The following PGGT1B variants were observed in gnomAD, a reference collection of about 807,000 sequenced individuals.
PGGT1B encodes the protein geranylgeranyl transferase type-1 subunit beta.
PGGT1B carries 30 observed loss-of-function variants against 46.1 expected under a neutral mutation model. The ratio of observed to expected loss-of-function variants is 0.65; its 90% CI spans 0.49 to 0.88. The LOEUF is 0.88. PGGT1B is among the 40% of genes least tolerant of loss of function. PGGT1B has a pLI of 0.00. For synonymous variants in PGGT1B, 170 were observed against 160.0 expected (o/e 1.06, Z -0.47); for missense variants, 376 against 455.9 (o/e 0.82, Z 1.60).
chr5:115,249,078 C>T (rs1213211381), intron 2 of PGGT1B, among the ~76,000 whole-genome samples: 2 of 152,022 alleles, frequency 1.3e-5, no homozygotes, highest in African/African-American at 4.8e-5. Flanking sequence ...AACATTCAAA[C>T]AATTCAGATA....
Position 115,206,171 on chromosome 5 carries a change from AT to A in PGGT1B, c.*6230del, listed in dbSNP as rs1756056916. On this transcript the variant is annotated 3_prime_UTR_variant, in exon 9 of 9. Transcript: ENST00000419445. ...AGTATATATTGTATTGGGATGAGTA[AT>A]ACTTAAATGTTCAGATATTTAAAGA... 6.6e-6 allele frequency: 1 copy of A among 151,908 alleles called. No individual in the cohort carries two copies. Among genetic ancestry groups the A allele is most frequent in the Non-Finnish European group, 1.5e-5 (1 of 67,856 alleles). 9.4% of individuals were successfully genotyped at this position (151,908 alleles called of 1,614,324 possible). A position where few individuals can be genotyped will look rare whatever the true frequency, so the allele number is the denominator to read the frequency against.
Position 115,204,632 on chromosome 5 carries a change from T to C in PGGT1B, c.*7770A>G, listed in dbSNP as rs1018443719. On this transcript the variant is annotated 3_prime_UTR_variant, in exon 9 of 9. Coordinates refer to ENST00000419445, the MANE Select transcript of PGGT1B (RefSeq NM_005023.4). ...GGATATGAGGAAACAGGCACTCTCATACCTTGTTGTTGAGTTTATGAATGG... is the reference window on the plus strand; with the variant it reads ...GGATATGAGGAAACAGGCACTCTCACACCTTGTTGTTGAGTTTATGAATGG... 2.6e-5 allele frequency: 4 copies of C among 152,174 alleles called. No homozygotes were observed. The highest frequency in any genetic ancestry group is 9.7e-5 in the African/African-American group (4 of 41,440). The allele number at this position is 152,174 out of a possible 1,614,324, so 9.4% of individuals were successfully genotyped here.
In PGGT1B at chr5:115,204,479, CAT is replaced by C. The variant is rs1055414877; in HGVS notation, c.*7921_*7922del. On this transcript the variant is annotated 3_prime_UTR_variant, in exon 9 of 9. Transcript: ENST00000419445. The stretch of plus-strand genomic sequence containing the variant: ...ACAGTTGGCATTAATTCATACAGCA[CAT>C]ATAAAGAATTAACCTCCCCCCAAAC... 2.0e-5 allele frequency: 3 copies of C among 152,118 alleles called. No homozygotes were observed. The highest frequency in any genetic ancestry group is 7.2e-5 in the African/African-American group (3 of 41,416). 9.4% of individuals were successfully genotyped at this position (152,118 alleles called of 1,614,324 possible).
chr5:115,237,820 T>C (rs1193733184), intron 4 of PGGT1B, 38 bp downstream of exon 4: 1 of 1,572,650 alleles, frequency 6.4e-7, no homozygotes. Context: ...AATATATTTT[T>C]GTTTATTACA....
chr5:115,216,868 G>T lies in PGGT1B; in HGVS notation c.949C>A (p.Pro317Thr). 2.1e-6 allele frequency: 3 copies of T among 1,458,866 alleles called. No individual in the cohort carries two copies. Among genetic ancestry groups the T allele is most frequent in the Non-Finnish European group, 2.9e-6 (3 of 1,041,574 alleles). 90.4% of individuals were successfully genotyped at this position (1,458,866 alleles called of 1,614,324 possible). A position where few individuals can be genotyped will look rare whatever the true frequency, so the allele number is the denominator to read the frequency against. Residue 317 changes from proline to threonine, a missense_variant, in exon 8 of 9, where the codon CCA (proline) becomes ACA (threonine). Transcript: ENST00000419445. ...GGFAKWPDSHPDALHAYFGIC... is the reference protein window; with the variant it reads ...GGFAKWPDSHTDALHAYFGIC... ...GATTCACAAAGAAAATAATTACCTG[G>T]ATGACTGTCTGGCCACTTGGCAAAT...
At chr5:115,242,783 A>G (rs2127017589) in intron 2 of PGGT1B, among the ~76,000 whole-genome samples, 1 of 152,310 alleles carries the variant, frequency 6.6e-6, no homozygotes, top group South Asian at 2.1e-4. Flanking sequence ...CCTGGTCAAC[A>G]TGGTAAAACC....
chr5:115,205,700 C>T lies in PGGT1B; in HGVS notation c.*6702G>A, dbSNP rs1289187852. On this transcript the variant is annotated 3_prime_UTR_variant, in exon 9 of 9. Coordinates refer to ENST00000419445, the MANE Select transcript of PGGT1B (RefSeq NM_005023.4). The stretch of plus-strand genomic sequence containing the variant: ...TATTACAAGTAGACAGTTTTACTAT[C>T]AGAAACCCATTTTCTGATCATATTT... 2 of 152,002 alleles carry T rather than the reference C, an allele frequency of 1.3e-5. No homozygotes were observed. Among genetic ancestry groups the T allele is most frequent in the African/African-American group, 4.8e-5 (2 of 41,408 alleles). The allele number at this position is 152,002 out of a possible 1,614,324, so 9.4% of individuals were successfully genotyped here. A position where few individuals can be genotyped will look rare whatever the true frequency, so the allele number is the denominator to read the frequency against.
intron 7 of PGGT1B, 81 bp from the exon 8 acceptor site, chr5:115,217,054 T>C: frequency 2.9e-6 from 2 of 695,876 alleles, no homozygotes; most frequent in East Asian, 2.7e-5. Flanking sequence ...ACGTGTCATT[T>C]AGATATGCTT....
intron 1 of PGGT1B, among the ~76,000 whole-genome samples, chr5:115,258,838 C>G (rs1748432581): frequency 6.6e-6 from 1 of 152,198 alleles, no homozygotes; most frequent in African/African-American, 2.4e-5. Flanking sequence ...AGAAATGCAG[C>G]ATCTCCGGCT....
intron 2 of PGGT1B, among the ~76,000 whole-genome samples, chr5:115,244,617 A>G (rs911655222): frequency 6.6e-6 from 1 of 151,634 alleles, no homozygotes; most frequent in Non-Finnish European, 1.5e-5. Flanking sequence ...TTTGAGACAG[A>G]GTCTTGCTCT....
chr5:115,228,925 G>A (rs956188521), intron 6 of PGGT1B, among the ~76,000 whole-genome samples: 11 of 152,222 alleles, frequency 7.2e-5, no homozygotes, highest in Admixed American at 6.5e-4. Context: ...GGCTTACACA[G>A]AGAATTACAG....
At chr5:115,213,624 T>A (rs182232404) in intron 8 of PGGT1B, among the ~76,000 whole-genome samples, 195 of 152,158 alleles carry the variant, frequency 1.3e-3, no homozygotes, top group African/African-American at 4.5e-3. Context: ...ATACAAAAAT[T>A]ACCAGGTATG....
At chr5:115,258,722 C>T (rs1748427191) in intron 1 of PGGT1B, among the ~76,000 whole-genome samples, 1 of 152,178 alleles carries the variant, frequency 6.6e-6, no homozygotes, top group South Asian at 2.1e-4. Context: ...GTCCCTGTCT[C>T]TCTTCAGGCT....
intron 7 of PGGT1B, 120 bp downstream of exon 7, chr5:115,221,704 G>A: frequency 1.9e-6 from 1 of 522,848 alleles, no homozygotes; most frequent in Non-Finnish European, 3.2e-6. Context: ...CAGAGCAAAA[G>A]AGAAAATCCA....
intron 1 of PGGT1B, among the ~76,000 whole-genome samples, chr5:115,259,105 T>G (rs1277724756): frequency 6.6e-6 from 1 of 152,220 alleles, no homozygotes; most frequent in African/African-American, 2.4e-5. Context: ...GCAATCAGAA[T>G]CTGCATTTTA....
chr5:115,214,742 C>T (rs1362927839), intron 8 of PGGT1B, among the ~76,000 whole-genome samples: 2 of 152,160 alleles, frequency 1.3e-5, no homozygotes, highest in Non-Finnish European at 2.9e-5. Context: ...ATTGGAAACA[C>T]TGAATGTATT....
rs1014180934 is a variant in PGGT1B, at chr5:115,208,585, T to C, written c.*3817A>G. On this transcript the variant is annotated 3_prime_UTR_variant, in exon 9 of 9. Transcript: ENST00000419445. Reference sequence around the variant, plus strand: ...TATTTCCCCCTTGTCATTTAAATTTTTGTATTTGTGCTTCCTCCTTTTTTT... The same window carrying C: ...TATTTCCCCCTTGTCATTTAAATTTCTGTATTTGTGCTTCCTCCTTTTTTT... The C allele has an allele frequency of 5.9e-5, 9 of 152,084 alleles. No homozygotes were observed. The highest frequency in any genetic ancestry group is 1.3e-4 in the Non-Finnish European group (9 of 67,954). The allele number at this position is 152,084 out of a possible 1,614,324, so 9.4% of individuals were successfully genotyped here.
chr5:115,236,945 T>C (rs1352760321), intron 4 of PGGT1B, among the ~76,000 whole-genome samples: 1 of 152,218 alleles, frequency 6.6e-6, no homozygotes, highest in Non-Finnish European at 1.5e-5. Context: ...CTTCTAAATG[T>C]ATACACAGAT....
chr5:115,218,561 G>A (rs79723760), intron 7 of PGGT1B, among the ~76,000 whole-genome samples: 1,700 of 149,296 alleles, frequency 0.011, 35 homozygotes, highest in African/African-American at 0.04. Context: ...GGATGGTAGG[G>A]AACCAACTCA....
Sources: allele counts gnomAD v4.1 joint callset (sites outside exome capture counted in the v4.1 genomes callset), GRCh38; gene constraint gnomAD v4.1.1; transcripts MANE v1.5; gene names NCBI Gene and HGNC (gene_info 2026-07-23, HGNC 2026-07-21).